The following DCHS2 variants were observed in gnomAD, a reference collection of about 807,000 sequenced individuals.
DCHS2 encodes protocadherin-23.
In DCHS2, 142 loss-of-function variants were observed where a neutral mutation model predicts 182.4. The ratio of observed to expected loss-of-function variants is 0.78; its 90% CI spans 0.68 to 0.89. DCHS2 has a LOEUF of 0.89. DCHS2 is among the 40% of genes least tolerant of loss of function. The pLI, the probability that DCHS2 is intolerant of heterozygous loss-of-function variation, is 0.00. For synonymous variants in DCHS2, 1,740 were observed against 1,663.3 expected, an observed-to-expected ratio of 1.05 and a Z score of -1.12; for missense variants, 4,319 against 4,198.6, an observed-to-expected ratio of 1.03 and a Z score of -0.79.
chr4:154,235,692 A>C lies in DCHS2; in HGVS notation c.8960T>G (p.Leu2987Trp), dbSNP rs749554957. The change falls in exon 20 of 20, where the codon TTG (leucine) becomes TGG (tryptophan). Residue 2987 changes from leucine (L) to tryptophan (W), a missense_variant. Leu to Trp is a moderately conservative substitution (Grantham distance 61). Coordinates refer to ENST00000357232, the MANE Select transcript of DCHS2 (RefSeq NM_001358235.2). ...TGAAAAGCTGCTGGCGAACACTGCCAAGGGTGTTCCTTCAGAGGAGAAAGA... is the reference window on the plus strand; with the variant it reads ...TGAAAAGCTGCTGGCGAACACTGCCCAGGGTGTTCCTTCAGAGGAGAAAGA... Reference protein sequence around the residue: ...NVSFSSEGTPLAVFASSFSIS... With the variant: ...NVSFSSEGTPWAVFASSFSIS... 1 of 1,614,074 alleles carries C rather than the reference A, an allele frequency of 6.2e-7. No individual in the cohort carries two copies. Among genetic ancestry groups the C allele is most frequent in the Admixed American group, 1.7e-5 (1 of 60,004 alleles).
intron 1 of DCHS2, among the ~76,000 whole-genome samples, chr4:154,465,574 T>G (rs904370771): frequency 3.3e-5 from 5 of 151,322 alleles, no homozygotes; most frequent in African/African-American, 1.2e-4. Context: ...GAGGCTGAGG[T>G]AGGAGAATTG....
intron 12 of DCHS2, 80 bp from the exon 13 acceptor site, chr4:154,298,788 T>A: frequency 6.8e-7 from 1 of 1,474,166 alleles, no homozygotes; most frequent in Non-Finnish European, 9.0e-7. Context: ...GGTATTCATT[T>A]ATACATTCAT....
intron 16 of DCHS2, among the ~76,000 whole-genome samples, chr4:154,249,568 G>GTA (rs1013171821): frequency 1.3e-5 from 2 of 152,110 alleles, no homozygotes; most frequent in African/African-American, 4.8e-5. Context: ...CTATTGCTGG[G>GTA]TATATTCCCA....
At chr4:154,354,550 C>T (rs1314250201) in intron 3 of DCHS2, among the ~76,000 whole-genome samples, 1 of 152,178 alleles carries the variant, frequency 6.6e-6, no homozygotes, top group Non-Finnish European at 1.5e-5. Flanking sequence ...ACCCTCATTA[C>T]TTTATGTATG....
intron 4 of DCHS2, 174 bp from the exon 5 acceptor site, chr4:154,333,668 T>C (rs1728628463): frequency 2.9e-6 from 2 of 684,244 alleles, no homozygotes; most frequent in South Asian, 3.9e-5. Context: ...ATTGTACCTT[T>C]TCTGTGCTCA....
chr4:154,472,257 T>C (rs1487824765), intron 1 of DCHS2, among the ~76,000 whole-genome samples: 3 of 152,212 alleles, frequency 2.0e-5, no homozygotes, highest in African/African-American at 7.2e-5. Context: ...TGAGATCTCT[T>C]CCAAGTCTAA....
chr4:154,407,865 T>G (rs1285695091), intron 1 of DCHS2, among the ~76,000 whole-genome samples: 1 of 152,172 alleles, frequency 6.6e-6, no homozygotes, highest in Non-Finnish European at 1.5e-5. Flanking sequence ...AGATATGCAT[T>G]CCCTTTACTA....
chr4:154,357,526 A>G (rs962256270), intron 3 of DCHS2, among the ~76,000 whole-genome samples: 52 of 152,310 alleles, frequency 3.4e-4, no homozygotes, highest in African/African-American at 1.2e-3. Context: ...CCTTGGTGTT[A>G]TCAGTACTGC....
At chr4:154,478,776 TG>T (rs1735797182) in intron 1 of DCHS2, among the ~76,000 whole-genome samples, 1 of 152,048 alleles carries the variant, frequency 6.6e-6, no homozygotes, top group African/African-American at 2.4e-5. Flanking sequence ...AGAACTGAAA[TG>T]GGGCTTTCAC....
intron 3 of DCHS2, among the ~76,000 whole-genome samples, chr4:154,362,239 G>A (rs760222131): frequency 6.6e-6 from 1 of 152,176 alleles, no homozygotes; most frequent in Non-Finnish European, 1.5e-5. Context: ...TGCCAGCACA[G>A]GTAGGCTGGA....
chr4:154,235,106 C>T lies in DCHS2; in HGVS notation c.9546G>A (p.Val3182=), dbSNP rs1259282059. 1 of 1,613,964 alleles carries T rather than the reference C, an allele frequency of 6.2e-7. No homozygotes were observed. Among genetic ancestry groups the T allele is most frequent in the South Asian group, 1.1e-5 (1 of 91,084 alleles). The change falls in exon 20 of 20, where the codon GTG becomes GTA. Residue 3182 remains valine, a synonymous_variant. Transcript: ENST00000357232. ...GCSTTCAQNN[V]LPQTVQKREA... ...CTCTCTTCTGAACTGTCTGGGGTAA[C>T]ACATTATTTTGAGCACAGGTGGTGC...
chr4:154,299,909 T>C (rs1475873580), intron 12 of DCHS2, among the ~76,000 whole-genome samples: 1 of 152,170 alleles, frequency 6.6e-6, no homozygotes. Flanking sequence ...TGAGTACATA[T>C]AGATAGTGCT....
chr4:154,306,848 C>T (rs1311631409), intron 10 of DCHS2, among the ~76,000 whole-genome samples: 1 of 152,146 alleles, frequency 6.6e-6, no homozygotes, highest in African/African-American at 2.4e-5. Flanking sequence ...ATTGTTTACA[C>T]ATAAATTCAG....
chr4:154,450,483 C>A (rs753313350), intron 1 of DCHS2, among the ~76,000 whole-genome samples: 7 of 152,154 alleles, frequency 4.6e-5, no homozygotes, highest in Non-Finnish European at 7.3e-5. Flanking sequence ...AAGCAACTAT[C>A]CTAGACTTAC....
At chr4:154,486,093 C>G (rs779791044) in intron 1 of DCHS2, among the ~76,000 whole-genome samples, 73 of 152,214 alleles carry the variant, frequency 4.8e-4, no homozygotes, top group Non-Finnish European at 9.3e-4. Flanking sequence ...CCACCTGAGA[C>G]AGGCAGGGAC....
intron 1 of DCHS2, among the ~76,000 whole-genome samples, chr4:154,473,146 G>A (rs866144656): frequency 1.3e-5 from 2 of 152,104 alleles, no homozygotes; most frequent in Non-Finnish European, 1.5e-5. Context: ...TGCTGCTCCA[G>A]AAATCCTCAG....
At chr4:154,278,435 G>A (rs77160471) in intron 13 of DCHS2, among the ~76,000 whole-genome samples, 3,098 of 151,976 alleles carry the variant, frequency 0.02, 100 homozygotes, top group African/African-American at 0.072. Context: ...GGAAACAAAG[G>A]AAAATGGGTA....
At chr4:154,258,655 T>C (rs1231644673) in intron 15 of DCHS2, among the ~76,000 whole-genome samples, 4 of 152,008 alleles carry the variant, frequency 2.6e-5, no homozygotes, top group Non-Finnish European at 5.9e-5. Context: ...GGGATTACAG[T>C]TGTGAGCCAC....
At chr4:154,434,172 G>A (rs568008592) in intron 1 of DCHS2, among the ~76,000 whole-genome samples, 3 of 152,318 alleles carry the variant, frequency 2.0e-5, no homozygotes, top group East Asian at 1.9e-4. Flanking sequence ...GATGGCTCAT[G>A]CCTGTAATCC....
Sources: gnomAD v4.1 joint callset for allele counts (sites outside exome capture counted in the v4.1 genomes callset) on GRCh38, gnomAD v4.1.1 for gene constraint, MANE v1.5 for transcripts, NCBI Gene and HGNC (gene_info 2026-07-23, HGNC 2026-07-21) for gene names.